The following SCN11A variants were observed in gnomAD, a reference collection of about 807,000 sequenced individuals.
SCN11A encodes sodium channel protein type 11 subunit alpha.
In SCN11A, 122 loss-of-function variants were observed where a neutral mutation model predicts 162.2. That is an observed-to-expected ratio of 0.75 (90% CI 0.65 to 0.87). The LOEUF (loss-of-function observed/expected upper bound fraction) is 0.87. SCN11A is among the 40% of genes least tolerant of loss of function. The pLI, the probability that SCN11A is intolerant of heterozygous loss-of-function variation, is 0.00. For synonymous variants in SCN11A, 758 were observed against 751.5 expected, an observed-to-expected ratio of 1.01 and a Z score of -0.14; for missense variants, 2,015 against 2,181.6, an observed-to-expected ratio of 0.92 and a Z score of 1.52.
In SCN11A at chr3:38,863,336, GT is replaced by G. The variant is rs747199914; in HGVS notation, c.3952-38del. Reference sequence around the variant, plus strand: ...AGATAAGAGCTAATTACCTTTAACAGTTTTTTTTTTAATCTAGTTCTGAATT... The same window carrying G: ...AGATAAGAGCTAATTACCTTTAACAGTTTTTTTTTAATCTAGTTCTGAATT... On this transcript the variant is annotated intron_variant, in intron 27 of 29. Coordinates refer to ENST00000302328, the MANE Select transcript of SCN11A (RefSeq NM_001349253.2). The G allele has an allele frequency of 2.6e-3, 2,426 of 932,166 alleles. 1 individual carries two copies. Among genetic ancestry groups the G allele is most frequent in the South Asian group, 3.4e-3 (208 of 61,840 alleles). 57.7% of individuals were successfully genotyped at this position (932,166 alleles called of 1,614,324 possible). A position where few individuals can be genotyped will look rare whatever the true frequency, so the allele number is the denominator to read the frequency against.
At chr3:38,855,604 A>G (rs1228984706) in intron 28 of SCN11A, among the ~76,000 whole-genome samples, 1 of 152,162 alleles carries the variant, frequency 6.6e-6, no homozygotes, top group East Asian at 1.9e-4. Flanking sequence ...CTGGAGGTCA[A>G]CCAACTCAGG....
intron 3 of SCN11A, among the ~76,000 whole-genome samples, chr3:38,958,330 G>C (rs774493238): frequency 1.3e-5 from 2 of 152,328 alleles, no homozygotes; most frequent in Non-Finnish European, 2.9e-5. Context: ...CACAGTGCCT[G>C]TGAGGTGCCC....
chr3:38,970,332 T>C (rs1559560386), intron 2 of SCN11A, among the ~76,000 whole-genome samples: 1 of 152,178 alleles, frequency 6.6e-6, no homozygotes, highest in Non-Finnish European at 1.5e-5. Context: ...CCTTGGGATC[T>C]TACTCTCCAT....
intron 7 of SCN11A, among the ~76,000 whole-genome samples, chr3:38,931,646 C>A (rs1460401906): frequency 6.6e-6 from 1 of 152,218 alleles, no homozygotes; most frequent in African/African-American, 2.4e-5. Flanking sequence ...CTTGGAGCAT[C>A]CAACCTTGTT....
At chr3:38,870,624 G>A in intron 26 of SCN11A, 67 bp downstream of exon 26, 2 of 1,363,800 alleles carry the variant, frequency 1.5e-6, no homozygotes, top group Non-Finnish European at 2.1e-6. Flanking sequence ...GTTCTGGACT[G>A]TCCATGTAGT....
intron 2 of SCN11A, among the ~76,000 whole-genome samples, chr3:38,974,694 C>CAAAAAAAAAAAAAAAAAAAAAAAA (rs773028321): frequency 6.2e-5 from 3 of 48,134 alleles, no homozygotes; most frequent in African/African-American, 1.9e-4. Context: ...GACTCCGTCT[C>CAAAAAAAAAAAAAAAAAAAAAAAA]AAAAAAAAAA....
intron 20 of SCN11A, among the ~76,000 whole-genome samples, chr3:38,885,888 G>A (rs2065389470): frequency 6.6e-6 from 1 of 152,176 alleles, no homozygotes; most frequent in Non-Finnish European, 1.5e-5. Context: ...CAAATGCATA[G>A]AGGCCAAGGA....
At chr3:38,924,554 G>A (rs1296040557) in intron 9 of SCN11A, among the ~76,000 whole-genome samples, 1 of 151,994 alleles carries the variant, frequency 6.6e-6, no homozygotes, top group Non-Finnish European at 1.5e-5. Context: ...TGTATTTTTA[G>A]TAGAGATGGG....
At chr3:38,924,498 T>G (rs761270528) in intron 9 of SCN11A, among the ~76,000 whole-genome samples, 4 of 152,012 alleles carry the variant, frequency 2.6e-5, no homozygotes, top group Non-Finnish European at 4.4e-5. Context: ...CTCAGCCTCC[T>G]GAGTAGCTGG....
In SCN11A at chr3:38,846,475, AT is replaced by A. The variant is rs1193481200; in HGVS notation, c.*218del. ...AGTCCTTCCTGGTGTCTTCTTCCTT[AT>A]TATAATAGTACCACTGGTTGTCAAG... is the stretch of plus-strand genomic sequence containing the variant. On this transcript the variant is annotated 3_prime_UTR_variant, in exon 30 of 30. Coordinates refer to ENST00000302328, the MANE Select transcript of SCN11A (RefSeq NM_001349253.2). The A allele has an allele frequency of 7.3e-6, 4 of 546,830 alleles. No homozygotes were observed. Among genetic ancestry groups the A allele is most frequent in the Non-Finnish European group, 1.3e-5 (4 of 307,458 alleles). The allele number at this position is 546,830 out of a possible 1,614,324, so 33.9% of individuals were successfully genotyped here.
chr3:38,957,320 T>G (rs2066693563), intron 3 of SCN11A, among the ~76,000 whole-genome samples: 1 of 152,194 alleles, frequency 6.6e-6, no homozygotes, highest in Admixed American at 6.5e-5. Context: ...ATTTTCTCCT[T>G]CTAAGCTATT....
chr3:38,862,999 A>G (rs368913586), intron 28 of SCN11A, among the ~76,000 whole-genome samples, 196 bp downstream of exon 28: 1 of 152,176 alleles, frequency 6.6e-6, no homozygotes, highest in African/African-American at 2.4e-5. Flanking sequence ...TCAAAAATAA[A>G]TTTAAGTTGT....
At chr3:38,862,544 T>C (rs575321232) in intron 28 of SCN11A, among the ~76,000 whole-genome samples, 1 of 152,126 alleles carries the variant, frequency 6.6e-6, no homozygotes, top group South Asian at 2.1e-4. Flanking sequence ...ATCTACACCA[T>C]GGAATACTAG....
At chr3:39,021,324 T>C (rs2031444480) in intron 2 of SCN11A, among the ~76,000 whole-genome samples, 1 of 152,216 alleles carries the variant, frequency 6.6e-6, no homozygotes, top group Non-Finnish European at 1.5e-5. Context: ...TTTTGCTTTA[T>C]TGTTTACATT....
chr3:38,863,754 A>G (rs956468953), intron 27 of SCN11A, among the ~76,000 whole-genome samples: 1 of 152,132 alleles, frequency 6.6e-6, no homozygotes. Flanking sequence ...TCTCAGGGAA[A>G]AAAAAAAGTT....
intron 2 of SCN11A, among the ~76,000 whole-genome samples, chr3:38,968,255 T>C (rs1266635412): frequency 6.6e-6 from 1 of 152,222 alleles, no homozygotes; most frequent in Non-Finnish European, 1.5e-5. Flanking sequence ...CATGTTTACA[T>C]GCTGCTCTCT....
At position 38,897,377 on chromosome 3, in the gene SCN11A, C is replaced by T. The variant is rs1054530294; in HGVS notation, c.2023-152G>A. On this transcript the variant is annotated intron_variant, in intron 17 of 29. Transcript: ENST00000302328. ...TCTATCCTGAACATAGCCATCAGAT[C>T]GCTGTCATAATCTAATGCTCACCTG... 4.2e-4 allele frequency: 301 copies of T among 708,564 alleles called. 1 individual carries two copies. The highest frequency in any genetic ancestry group is 4.8e-4 in the Non-Finnish European group (211 of 438,598). The allele number at this position is 708,564 out of a possible 1,614,324, so 43.9% of individuals were successfully genotyped here. A position where few individuals can be genotyped will look rare whatever the true frequency, so the allele number is the denominator to read the frequency against.
At position 38,880,016 on chromosome 3, in the gene SCN11A, C is replaced by CCATTTTA; in HGVS notation, c.3320_3326dup (p.Trp1109CysfsTer20). ...AATACTTTCCAAATCCGAAGGCTAC[C>CCATTTTA]CATTTTAGTACCATCTCCAGGATAA... On this transcript the variant is annotated frameshift_variant, in exon 23 of 30. Transcript: ENST00000302328. LOFTEE classifies it high-confidence loss of function. 6.2e-7 allele frequency: 1 copy of CCATTTTA among 1,612,110 alleles called. No homozygotes were observed. The highest frequency in any genetic ancestry group is 8.5e-7 in the Non-Finnish European group (1 of 1,178,604).
chr3:38,909,074 T>A lies in SCN11A; in HGVS notation c.1222A>T (p.Lys408Ter), dbSNP rs1553639466. 6.2e-7 allele frequency: 1 copy of A among 1,614,134 alleles called. No individual in the cohort carries two copies. Among genetic ancestry groups the A allele is most frequent in the South Asian group, 1.1e-5 (1 of 91,084 alleles). Residue 408 changes from lysine (K) to a stop codon, truncating the protein, a stop_gained, in exon 13 of 30, where the codon AAG becomes TAG. Coordinates refer to ENST00000302328, the MANE Select transcript of SCN11A (RefSeq NM_001349253.2). LOFTEE classifies it high-confidence loss of function. ...GCCTCTATCTCTGCAGCTACATTCT[T>A]GTTCTGCTCCTCATATGCCATGGTA... Reference protein sequence around the residue: ...VVTMAYEEQNKNVAAEIEAKE... With the variant: ...VVTMAYEEQN
Sources: gnomAD v4.1 joint callset for allele counts (sites outside exome capture counted in the v4.1 genomes callset) on GRCh38, gnomAD v4.1.1 for gene constraint, MANE v1.5 for transcripts, NCBI Gene and HGNC (gene_info 2026-07-23, HGNC 2026-07-21) for gene names.